Variants in CIB2 observed in about 807,000 individuals in gnomAD.
CIB2 encodes the protein calcium and integrin binding family member 2.
Under a neutral mutation model 23.1 loss-of-function variants are expected in CIB2, and 19 were observed. The ratio of observed to expected loss-of-function variants is 0.82; its 90% confidence interval spans 0.57 to 1.21. CIB2 has a LOEUF of 1.21. Ranked by LOEUF, CIB2 falls within the 50% of genes most tolerant of loss-of-function variation. The probability of loss-of-function intolerance (pLI) is 0.00; values close to 1 mark genes in which losing one functional copy is unlikely to be tolerated. For missense variants in CIB2, 220 were observed against 241.5 expected, an observed-to-expected ratio of 0.91 and a Z score of 0.59; for synonymous variants, 94 against 91.7, an observed-to-expected ratio of 1.03 and a Z score of -0.14.
intron 2 of CIB2, among the ~76,000 whole-genome samples, chr15:78,118,317 G>A (rs2141903776): frequency 6.6e-6 from 1 of 152,204 alleles, no homozygotes; most frequent in Middle Eastern, 3.4e-3. Context: ...ATAAATGGCT[G>A]GGCAGTGGCT....
intron 2 of CIB2, among the ~76,000 whole-genome samples, chr15:78,115,525 T>A (rs1338481750): frequency 6.6e-6 from 1 of 151,914 alleles, no homozygotes; most frequent in Non-Finnish European, 1.5e-5. Flanking sequence ...CCTCTCAAAG[T>A]GCTGAGATTA....
chr15:78,120,671 G>C (rs2141908079), intron 2 of CIB2: 1 of 985,426 alleles, frequency 1.0e-6, no homozygotes, highest in East Asian at 1.1e-4. Flanking sequence ...CCTGGGTGGG[G>C]GCAGGGCAGA....
chr15:78,105,771 C>A lies in CIB2; in HGVS notation c.510G>T (p.Glu170Asp). 1 of 1,614,212 alleles carries A rather than the reference C, an allele frequency of 6.2e-7. No individual in the cohort carries two copies. The highest frequency in any genetic ancestry group is 2.2e-5 in the East Asian group (1 of 44,878). The part of the protein sequence containing the change: ...GDGKLGFADF[E>D]DMIAKAPDFL... ...AGTCAGGGGCCTTGGCAATCATGTC[C>A]TCGAAGTCAGCAAAGCCCAGCTTGC... Residue 170 changes from glutamate (E) to aspartate (D), a missense_variant, in exon 5 of 6, where the codon GAG (glutamate) becomes GAT (aspartate). Transcript: ENST00000258930.
intron 2 of CIB2, among the ~76,000 whole-genome samples, chr15:78,118,216 A>G (rs1371970741): frequency 2.0e-5 from 3 of 152,204 alleles, no homozygotes; most frequent in Non-Finnish European, 4.4e-5. Context: ...ACTAAGAGGA[A>G]GGCTGGTCAC....
At chr15:78,127,155 C>G (rs898792214) in intron 1 of CIB2, among the ~76,000 whole-genome samples, 1 of 152,204 alleles carries the variant, frequency 6.6e-6, no homozygotes, top group Non-Finnish European at 1.5e-5. Flanking sequence ...ATCCACCACC[C>G]AGGTCCCAAA....
intron 1 of CIB2, among the ~76,000 whole-genome samples, chr15:78,125,611 C>T (rs767526288): frequency 7.2e-5 from 11 of 152,340 alleles, no homozygotes; most frequent in Non-Finnish European, 1.2e-4. Context: ...GCATCAGCCT[C>T]ACTGGGAACT....
chr15:78,105,530 T>A (rs2074053535), intron 5 of CIB2, 198 bp from the exon 6 acceptor site: 1 of 1,481,506 alleles, frequency 6.7e-7, no homozygotes, highest in Non-Finnish European at 8.9e-7. Flanking sequence ...CCCCCACTTA[T>A]CACTGAAGGG....
At chr15:78,110,024 G>A (rs1287314888) in intron 3 of CIB2, among the ~76,000 whole-genome samples, 2 of 152,128 alleles carry the variant, frequency 1.3e-5, no homozygotes, top group Non-Finnish European at 2.9e-5. Flanking sequence ...GGCCAGGATC[G>A]TGGGAGGTGG....
chr15:78,105,164 T>TC lies in CIB2; in HGVS notation c.*146_*147insG. The stretch of plus-strand genomic sequence containing the variant: ...ACAGGCCCCCTTCCTGGTTAAGGTT[T>TC]TTTTTTTGCTGAAAGGGCCACAGGA... On this transcript the variant is annotated 3_prime_UTR_variant, in exon 6 of 6. Transcript: ENST00000258930. The TC allele has an allele frequency of 8.7e-7, 1 of 1,145,432 alleles. No individual in the cohort carries two copies. The highest frequency in any genetic ancestry group is 2.6e-5 in the East Asian group (1 of 38,450). The allele number at this position is 1,145,432 out of a possible 1,614,324, so 71.0% of individuals were successfully genotyped here. A position where few individuals can be genotyped will look rare whatever the true frequency, so the allele number is the denominator to read the frequency against.
chr15:78,108,130 G>A (rs2074098201), intron 4 of CIB2, among the ~76,000 whole-genome samples: 2 of 149,246 alleles, frequency 1.3e-5, no homozygotes, highest in South Asian at 4.3e-4. Context: ...CTTGAACCCG[G>A]GAGGCAGAGG....
chr15:78,109,504 C>A, intron 3 of CIB2, 122 bp from the exon 4 acceptor site: 2 of 1,071,944 alleles, frequency 1.9e-6, no homozygotes, highest in South Asian at 1.3e-5. Flanking sequence ...GCCTCGGTTT[C>A]CCCATCTGTA....
rs55741935 is a variant in CIB2, at chr15:78,126,140, G to GCC, written c.52-2403_52-2402dup. Among the ~76,000 whole-genome samples the GCC allele has an allele frequency of 5.7e-3, 745 of 129,780 alleles. 3 individuals carry two copies. The highest frequency in any genetic ancestry group is 0.045 in the East Asian group (175 of 3,906). The allele number at this position is 129,780 out of a possible 152,430, so 85.1% of individuals were successfully genotyped here. A position where few individuals can be genotyped will look rare whatever the true frequency, so the allele number is the denominator to read the frequency against. ...AGGCCTCTGTGCTTCCCTTTCCCCTGCCCCCCCCCCTTTTTTTTTTGAGAC... is the reference window on the plus strand; with the variant it reads ...AGGCCTCTGTGCTTCCCTTTCCCCTGCCCCCCCCCCCCTTTTTTTTTTGAGAC... On this transcript the variant is annotated intron_variant, in intron 1 of 5. Coordinates refer to ENST00000258930, the MANE Select transcript of CIB2 (RefSeq NM_006383.4).
intron 2 of CIB2, among the ~76,000 whole-genome samples, chr15:78,122,784 C>T (rs149019215): frequency 3.3e-5 from 5 of 152,342 alleles, no homozygotes; most frequent in African/African-American, 1.2e-4. Context: ...TATCCCCTGC[C>T]CATGCAGGTG....
At chr15:78,130,432 A>T (rs556773514) in intron 1 of CIB2, among the ~76,000 whole-genome samples, 1 of 152,204 alleles carries the variant, frequency 6.6e-6, no homozygotes, top group Non-Finnish European at 1.5e-5. Context: ...GGCTCCGGGT[A>T]AGCCAAGGGG....
intron 2 of CIB2, 41 bp downstream of exon 2, chr15:78,123,664 C>CAGTCCCAGTCCCAACAG: frequency 1.9e-6 from 3 of 1,611,760 alleles, no homozygotes; most frequent in Non-Finnish European, 2.5e-6. Context: ...ACCCCGGCCC[C>CAGTCCCAGTCCCAACAG]AGTCCCAGTC....
intron 3 of CIB2, 88 bp from the exon 4 acceptor site, chr15:78,109,470 G>T: frequency 6.6e-7 from 1 of 1,510,296 alleles, no homozygotes; most frequent in Non-Finnish European, 9.1e-7. Context: ...GTGTGACCCT[G>T]GAGGAGTGAC....
Position 78,111,170 on chromosome 15 carries a change from G to C in CIB2, c.193C>G (p.Leu65Val), listed in dbSNP as rs980306994. Residue 65 changes from leucine (L) to valine (V), a missense_variant, in exon 3 of 6, where the codon CTC becomes GTC. Transcript: ENST00000258930. ...PMSLIIQMPE[L>V]RENPFKERIV... is the part of the protein sequence containing the mutation. ...GCAAGAGGTCCTGCACATACCCGGA[G>C]CTCTGGCATCTGGATGATGAGGCTC... is the stretch of plus-strand genomic sequence containing the variant. 7 of 1,613,636 alleles carry C rather than the reference G, an allele frequency of 4.3e-6. No individual in the cohort carries two copies. Among genetic ancestry groups the C allele is most frequent in the Non-Finnish European group, 5.9e-6 (7 of 1,179,664 alleles).
chr15:78,128,120 C>A (rs1431296509), intron 1 of CIB2, among the ~76,000 whole-genome samples: 1 of 152,216 alleles, frequency 6.6e-6, no homozygotes, highest in Non-Finnish European at 1.5e-5. Context: ...CCAGTATAAA[C>A]CATTCTGTGG....
chr15:78,114,157 G>A (rs952787718), intron 2 of CIB2, among the ~76,000 whole-genome samples: 9 of 152,192 alleles, frequency 5.9e-5, no homozygotes, highest in Non-Finnish European at 1.2e-4. Context: ...TTAGCATGCT[G>A]CCTGCCACGT....
Sources: allele counts gnomAD v4.1 joint callset (sites outside exome capture counted in the v4.1 genomes callset), GRCh38; gene constraint gnomAD v4.1.1; transcripts MANE v1.5; gene names NCBI Gene and HGNC (gene_info 2026-07-23, HGNC 2026-07-21).